The following BZW2 variants were observed in gnomAD, a reference collection of about 807,000 sequenced individuals.
BZW2 encodes the protein basic leucine zipper and W2 domains 2, also known as eIF5-mimic protein 1.
A neutral mutation model predicts 53.2 loss-of-function variants in BZW2; 23 were observed. That is an observed-to-expected ratio of 0.43 (90% CI 0.31 to 0.61). BZW2 has a LOEUF of 0.61. BZW2 is among the 20% of genes least tolerant of loss of function. The pLI is 0.09. For synonymous variants in BZW2, 227 were observed against 186.4 expected (o/e 1.22, Z -1.77); for missense variants, 409 against 503.1 (o/e 0.81, Z 1.79).
intron 1 of BZW2, among the ~76,000 whole-genome samples, chr7:16,658,510 T>C (rs934205446): frequency 6.6e-6 from 1 of 152,106 alleles, no homozygotes; most frequent in Non-Finnish European, 1.5e-5. Context: ...TGCCTTTATG[T>C]TTTCTGAAAG....
intron 3 of BZW2, among the ~76,000 whole-genome samples, chr7:16,675,429 A>G (rs1782735147): frequency 6.6e-6 from 1 of 152,230 alleles, no homozygotes. Flanking sequence ...CCAAAGTGCC[A>G]TCATTGCCTT....
intron 2 of BZW2, among the ~76,000 whole-genome samples, chr7:16,670,747 C>G (rs1221267637): frequency 6.6e-6 from 1 of 152,112 alleles, no homozygotes; most frequent in Non-Finnish European, 1.5e-5. Flanking sequence ...CGTTTTCCTC[C>G]CCCTCTACAC....
intron 3 of BZW2, among the ~76,000 whole-genome samples, chr7:16,678,282 C>G (rs1782829645): frequency 6.6e-6 from 1 of 151,830 alleles, no homozygotes; most frequent in African/African-American, 2.4e-5. Context: ...GTCTCGAACT[C>G]CTGACCTCAG....
At chr7:16,679,222 A>G (rs59726258) in intron 3 of BZW2, among the ~76,000 whole-genome samples, 6,712 of 152,260 alleles carry the variant, frequency 0.044, 463 homozygotes, top group African/African-American at 0.15. Context: ...ATAAATGTCC[A>G]TGAAATCTTC....
intron 6 of BZW2, chr7:16,686,391 C>G (rs558289092): frequency 1.8e-5 from 4 of 220,114 alleles, no homozygotes; most frequent in African/African-American, 9.2e-5. Flanking sequence ...ACTTTCACCC[C>G]TATTATAAGA....
At chr7:16,692,703 G>C (rs1783348055) in intron 7 of BZW2, among the ~76,000 whole-genome samples, 1 of 152,174 alleles carries the variant, frequency 6.6e-6, no homozygotes, top group African/African-American at 2.4e-5. Context: ...GGTGGAGGCT[G>C]CAGTGAGCTA....
At chr7:16,655,834 G>A (rs566979000) in intron 1 of BZW2, among the ~76,000 whole-genome samples, 4 of 152,034 alleles carry the variant, frequency 2.6e-5, no homozygotes, top group Non-Finnish European at 5.9e-5. Context: ...AATACATATG[G>A]CTTCCTGTGT....
chr7:16,657,635 A>G (rs961226328), intron 1 of BZW2, among the ~76,000 whole-genome samples: 2 of 152,200 alleles, frequency 1.3e-5, no homozygotes, highest in Non-Finnish European at 2.9e-5. Flanking sequence ...TATTTTGTAC[A>G]TTCTAACTGT....
chr7:16,704,800 A>C lies in BZW2; in HGVS notation c.1231+131A>C, dbSNP rs534901073. 8.4e-5 allele frequency: 83 copies of C among 992,692 alleles called. No homozygotes were observed. The East Asian group carries it at 2.3e-3, about 27-fold the overall frequency. The allele number at this position is 992,692 out of a possible 1,614,324, so 61.5% of individuals were successfully genotyped here. ...TCTAGAGTTATCTTTCGTATCAAAC[A>C]TTTTGCCAACATCTTAGCTTTCCTT... On this transcript the variant is annotated intron_variant, in intron 11 of 11. Coordinates refer to ENST00000258761, the MANE Select transcript of BZW2 (RefSeq NM_014038.3).
At chr7:16,654,523 A>C (rs1782072615) in intron 1 of BZW2, among the ~76,000 whole-genome samples, 1 of 125,996 alleles carries the variant, frequency 7.9e-6, no homozygotes, top group African/African-American at 3.1e-5. Flanking sequence ...CCCCCCCCCA[A>C]AAAAAAACGG....
intron 1 of BZW2, among the ~76,000 whole-genome samples, chr7:16,658,171 A>T (rs781387129): frequency 1.3e-5 from 2 of 152,204 alleles, no homozygotes; most frequent in Non-Finnish European, 2.9e-5. Flanking sequence ...AGGAATGCAC[A>T]TGCCTTAAGG....
At chr7:16,694,778 A>T in intron 7 of BZW2, 56 bp from the exon 8 acceptor site, 3 of 1,372,574 alleles carry the variant, frequency 2.2e-6, no homozygotes, top group Non-Finnish European at 2.9e-6. Context: ...TTTGTCCTTT[A>T]TGCTTGCTGA....
At chr7:16,659,144 A>G (rs117566168) in intron 1 of BZW2, among the ~76,000 whole-genome samples, 368 of 152,148 alleles carry the variant, frequency 2.4e-3, no homozygotes, top group Non-Finnish European at 4.6e-3. Context: ...AAATGTATAT[A>G]TTTTCCAGTG....
rs10241962 is a variant in BZW2 at position 16,660,736 on chromosome 7, C to T, written c.-7-4701C>T. 5.0e-3 allele frequency among the ~76,000 whole-genome samples: 761 copies of T among 152,200 alleles called. 9 individuals are homozygous for T. Among genetic ancestry groups the T allele is most frequent in the Middle Eastern group, 0.02 (6 of 294 alleles). ...CATTTATTTGTCTAGTCACTAGCCG[C>T]ATTTCAAGGGATCAGTAGTGGCTAC... On this transcript the variant is annotated intron_variant, in intron 1 of 11. Transcript: ENST00000258761.
At chr7:16,657,540 T>G (rs1782152607) in intron 1 of BZW2, among the ~76,000 whole-genome samples, 1 of 152,206 alleles carries the variant, frequency 6.6e-6, no homozygotes, top group Non-Finnish European at 1.5e-5. Flanking sequence ...TTCTTGCCTA[T>G]CCTCTGCCCT....
At chr7:16,653,975 G>A (rs1363022985) in intron 1 of BZW2, among the ~76,000 whole-genome samples, 1 of 150,694 alleles carries the variant, frequency 6.6e-6, no homozygotes, top group African/African-American at 2.4e-5. Context: ...GGCTGGGCAT[G>A]GTGACTCATG....
chr7:16,671,839 G>GA (rs1329677083), intron 2 of BZW2, among the ~76,000 whole-genome samples: 1 of 148,024 alleles, frequency 6.8e-6, no homozygotes, highest in Non-Finnish European at 1.5e-5. Context: ...GCTGAAGCAG[G>GA]AAAATCACAT....
intron 3 of BZW2, among the ~76,000 whole-genome samples, chr7:16,678,121 C>T (rs1274094644): frequency 2.5e-5 from 3 of 118,006 alleles, no homozygotes; most frequent in South Asian, 2.8e-4. Context: ...TTAATGCTGT[C>T]GCCCAGGCTG....
intron 3 of BZW2, among the ~76,000 whole-genome samples, chr7:16,680,860 C>A (rs1028938243): frequency 1.3e-5 from 2 of 152,040 alleles, no homozygotes; most frequent in Non-Finnish European, 2.9e-5. Flanking sequence ...AATCCCAGCA[C>A]TTTGGGAGGC....
Sources: allele counts gnomAD v4.1 joint callset (sites outside exome capture counted in the v4.1 genomes callset), GRCh38; gene constraint gnomAD v4.1.1; transcripts MANE v1.5; gene names NCBI Gene and HGNC (gene_info 2026-07-23, HGNC 2026-07-21).